PDZRN3: variants seen among roughly 807,000 people sequenced by gnomAD.
The protein encoded by PDZRN3 is PDZ domain containing ring finger 3.
Under a neutral mutation model 85.7 loss-of-function variants are expected in PDZRN3, and 38 were observed. The observed-to-expected ratio is 0.44, with a 90% CI of 0.34 to 0.58. PDZRN3 has a LOEUF of 0.58. Ranked by LOEUF, PDZRN3 falls within the 20% of genes least tolerant of loss-of-function variation. The pLI is 0.01. For synonymous variants in PDZRN3, 759 were observed against 638.0 expected (o/e 1.19, Z -2.86); for missense variants, 1,629 against 1,506.4 (o/e 1.08, Z -1.35).
intron 3 of PDZRN3, among the ~76,000 whole-genome samples, chr3:73,581,063 C>T (rs1702195017): frequency 6.6e-6 from 1 of 152,166 alleles, no homozygotes; most frequent in Admixed American, 6.5e-5. Flanking sequence ...TTGAGGTTTA[C>T]TCAAATGTAA....
chr3:73,423,799 G>A (rs1485396745), intron 3 of PDZRN3, among the ~76,000 whole-genome samples: 1 of 152,150 alleles, frequency 6.6e-6, no homozygotes, highest in Non-Finnish European at 1.5e-5. Context: ...TGGGGTAGTG[G>A]AGGCTTTTAA....
chr3:73,464,387 G>C (rs571603119), intron 3 of PDZRN3, among the ~76,000 whole-genome samples: 1 of 152,048 alleles, frequency 6.6e-6, no homozygotes, highest in Admixed American at 6.5e-5. Context: ...GTTATTATTG[G>C]TATAGAAAGT....
intron 3 of PDZRN3, among the ~76,000 whole-genome samples, chr3:73,540,544 C>T (rs1046666206): frequency 1.3e-5 from 2 of 152,102 alleles, no homozygotes; most frequent in Non-Finnish European, 2.9e-5. Flanking sequence ...GGGGCGGTTA[C>T]CCTCATGCTG....
chr3:73,396,425 G>A (rs1241486829), intron 5 of PDZRN3, among the ~76,000 whole-genome samples: 1 of 152,108 alleles, frequency 6.6e-6, no homozygotes, highest in East Asian at 1.9e-4. Flanking sequence ...GAAAAGTAAT[G>A]AGGAAGCCAC....
chr3:73,545,582 G>A (rs936423470), intron 3 of PDZRN3, among the ~76,000 whole-genome samples: 3 of 152,188 alleles, frequency 2.0e-5, no homozygotes, highest in South Asian at 2.1e-4. Flanking sequence ...CAAATGTCAC[G>A]GTCTGCACTA....
intron 3 of PDZRN3, among the ~76,000 whole-genome samples, chr3:73,430,609 G>A (rs922240407): frequency 1.3e-5 from 2 of 152,132 alleles, no homozygotes; most frequent in African/African-American, 4.8e-5. Context: ...CTACAAACAA[G>A]GCTGGTGCTT....
chr3:73,534,852 CA>C (rs1704739951), intron 3 of PDZRN3, among the ~76,000 whole-genome samples: 2 of 152,324 alleles, frequency 1.3e-5, no homozygotes, highest in South Asian at 4.1e-4. Flanking sequence ...GTCTTCAAAA[CA>C]CTTCTGGTTT....
At chr3:73,586,617 C>T (rs971414020) in intron 3 of PDZRN3, among the ~76,000 whole-genome samples, 6 of 152,036 alleles carry the variant, frequency 3.9e-5, no homozygotes, top group East Asian at 3.8e-4. Context: ...GACACTTCAC[C>T]GGGGGGGTCT....
At chr3:73,414,473 A>G (rs1451812877) in intron 3 of PDZRN3, among the ~76,000 whole-genome samples, 1 of 152,178 alleles carries the variant, frequency 6.6e-6, no homozygotes, top group East Asian at 1.9e-4. Context: ...AAATAAAATT[A>G]TGATGTGTAT....
intron 3 of PDZRN3, among the ~76,000 whole-genome samples, chr3:73,492,906 TTATG>T (rs988782772): frequency 1.3e-5 from 2 of 152,088 alleles, no homozygotes; most frequent in African/African-American, 4.8e-5. Flanking sequence ...TGTACAATTA[TTATG>T]TATCAATTTT....
chr3:73,523,139 C>T (rs936940193), intron 3 of PDZRN3, among the ~76,000 whole-genome samples: 6 of 152,164 alleles, frequency 3.9e-5, no homozygotes, highest in African/African-American at 1.2e-4. Flanking sequence ...CCTCCTGCCT[C>T]GGCCTCCTGA....
intron 3 of PDZRN3, among the ~76,000 whole-genome samples, chr3:73,423,785 A>G (rs565855402): frequency 6.1e-4 from 93 of 152,200 alleles, no homozygotes; most frequent in African/African-American, 2.1e-3. Context: ...TTTCCTTCAG[A>G]ATTTGGGGTA....
chr3:73,487,850 G>T (rs1043404176), intron 3 of PDZRN3, among the ~76,000 whole-genome samples: 1 of 152,148 alleles, frequency 6.6e-6, no homozygotes, highest in African/African-American at 2.4e-5. Context: ...ATTACTTAAA[G>T]CATTCACCTT....
At chr3:73,558,670 C>T (rs1005380790) in intron 3 of PDZRN3, among the ~76,000 whole-genome samples, 2 of 152,230 alleles carry the variant, frequency 1.3e-5, no homozygotes, top group African/African-American at 4.8e-5. Context: ...GGTCTCTAAG[C>T]TTTTGGAGAA....
intron 3 of PDZRN3, among the ~76,000 whole-genome samples, chr3:73,475,188 C>T (rs79302545): frequency 0.052 from 7,849 of 152,228 alleles, 241 homozygotes; most frequent in Non-Finnish European, 0.072. Flanking sequence ...CATTTTCTTC[C>T]GTTTTAATTC....
chr3:73,390,962 A>AG, intron 6 of PDZRN3, 56 bp downstream of exon 6: 1 of 1,217,760 alleles, frequency 8.2e-7, no homozygotes, highest in Non-Finnish European at 1.2e-6. Flanking sequence ...AACATGAAAA[A>AG]AAAAACCCTT....
In PDZRN3 at chr3:73,394,050, C is replaced by CT. The variant is rs201360768; in HGVS notation, c.1255-2935dup. 8.5e-4 allele frequency among the ~76,000 whole-genome samples: 127 copies of CT among 148,854 alleles called. 1 individual carries two copies. Among genetic ancestry groups the CT allele is most frequent in the South Asian group, 4.3e-3 (20 of 4,686 alleles). On this transcript the variant is annotated intron_variant, in intron 5 of 9. Transcript: ENST00000263666. ...CAATTCCTCCAACAAATCTTTATGACTTTTTTTTTTAATCAGGGAGAAAAC... is the reference window on the plus strand; with the variant it reads ...CAATTCCTCCAACAAATCTTTATGACTTTTTTTTTTTAATCAGGGAGAAAAC...
chr3:73,568,741 A>T (rs1328682489), intron 3 of PDZRN3, among the ~76,000 whole-genome samples: 1 of 152,222 alleles, frequency 6.6e-6, no homozygotes, highest in Non-Finnish European at 1.5e-5. Context: ...CCTACCTTCT[A>T]ATACATGATA....
intron 3 of PDZRN3, among the ~76,000 whole-genome samples, chr3:73,516,862 C>G (rs143259325): frequency 1.7e-3 from 259 of 152,296 alleles, no homozygotes; most frequent in Non-Finnish European, 3.0e-3. Context: ...TGGTCTGGTG[C>G]TGGCTGTGCT....
Sources: allele counts gnomAD v4.1 joint callset (sites outside exome capture counted in the v4.1 genomes callset), GRCh38; gene constraint gnomAD v4.1.1; transcripts MANE v1.5; gene names NCBI Gene and HGNC (gene_info 2026-07-23, HGNC 2026-07-21).